Variants in LCLAT1 observed in about 807,000 individuals in gnomAD.
LCLAT1 encodes lysocardiolipin acyltransferase 1.
Under a neutral mutation model 30.7 loss-of-function variants are expected in LCLAT1, and 11 were observed. That is an observed-to-expected ratio of 0.36 (90% CI 0.23 to 0.59). LCLAT1 has a LOEUF of 0.59. Among genes scored for constraint, LCLAT1 ranks in the 20% least tolerant of loss-of-function variants. The pLI is 0.77. For missense variants in LCLAT1, 402 were observed against 458.6 expected (o/e 0.88, Z 1.13); for synonymous variants, 155 against 151.3 (o/e 1.02, Z -0.18).
intron 5 of LCLAT1, among the ~76,000 whole-genome samples, chr2:30,618,972 G>A (rs1264566359): frequency 2.9e-5 from 4 of 139,084 alleles, no homozygotes; most frequent in Non-Finnish European, 4.4e-5. Context: ...GTGCTATCAT[G>A]TAGATGGTAA....
intron 3 of LCLAT1, among the ~76,000 whole-genome samples, chr2:30,558,342 G>C (rs1424034746): frequency 6.6e-6 from 1 of 152,160 alleles, no homozygotes; most frequent in African/African-American, 2.4e-5. Context: ...GCTCATGCCT[G>C]TAATCCCAGC....
rs774364745 is a variant in LCLAT1 at position 30,640,168 on chromosome 2, T to C, written c.680T>C (p.Ile227Thr). The C allele has an allele frequency of 4.3e-6, 7 of 1,614,042 alleles. No homozygotes were observed. Among genetic ancestry groups the C allele is most frequent in the Non-Finnish European group, 5.9e-6 (7 of 1,179,956 alleles). ...ATCACTGTGGCGTATCCTCACAACA[T>C]TCCTCAATCAGAGAAGCACCTCCTC... ...HDITVAYPHN[I>T]PQSEKHLLQG... Residue 227 changes from isoleucine (I) to threonine (T), a missense_variant, in exon 6 of 6, where the codon ATT becomes ACT. Coordinates refer to ENST00000379509, the MANE Select transcript of LCLAT1 (RefSeq NM_001002257.3).
chr2:30,491,317 C>CA (rs1683823628), intron 1 of LCLAT1, among the ~76,000 whole-genome samples: 1 of 152,210 alleles, frequency 6.6e-6, no homozygotes, highest in African/African-American at 2.4e-5. Flanking sequence ...TGAGCACTTA[C>CA]ATATACCAGC....
At chr2:30,588,763 G>A (rs1054529488) in intron 5 of LCLAT1, among the ~76,000 whole-genome samples, 4 of 151,948 alleles carry the variant, frequency 2.6e-5, no homozygotes, top group African/African-American at 9.7e-5. Flanking sequence ...ACCACACCTG[G>A]CTAATTTTGT....
chr2:30,533,199 G>C lies in LCLAT1; in HGVS notation c.249G>C (p.Met83Ile). Residue 83 changes from methionine to isoleucine, a missense_variant, in exon 3 of 6, where the codon ATG becomes ATC. Met to Ile is a conservative substitution (Grantham distance 10). Coordinates refer to ENST00000379509, the MANE Select transcript of LCLAT1 (RefSeq NM_001002257.3). ...FVPGERSVII[M>I]NHRTRMDWMF... Reference sequence around the variant, plus strand: ...CTGGAGAAAGAAGTGTCATTATCATGAACCATCGGACAAGAATGGACTGGA... The same window carrying C: ...CTGGAGAAAGAAGTGTCATTATCATCAACCATCGGACAAGAATGGACTGGA... 6.2e-7 allele frequency: 1 copy of C among 1,613,928 alleles called. No individual in the cohort carries two copies. Among genetic ancestry groups the C allele is most frequent in the South Asian group, 1.1e-5 (1 of 91,078 alleles).
intron 5 of LCLAT1, among the ~76,000 whole-genome samples, chr2:30,599,422 G>A (rs1189887870): frequency 6.6e-6 from 1 of 152,224 alleles, no homozygotes; most frequent in Non-Finnish European, 1.5e-5. Flanking sequence ...GTGCCATGTG[G>A]CGCTGAGAAG....
At chr2:30,571,698 C>G (rs539828562) in intron 5 of LCLAT1, among the ~76,000 whole-genome samples, 1 of 152,182 alleles carries the variant, frequency 6.6e-6, no homozygotes, top group Admixed American at 6.5e-5. Context: ...TACTGAAATA[C>G]TGGGTGCATT....
intron 5 of LCLAT1, among the ~76,000 whole-genome samples, chr2:30,617,705 T>C (rs975275492): frequency 1.3e-5 from 2 of 152,178 alleles, no homozygotes; most frequent in African/African-American, 2.4e-5. Flanking sequence ...TAGAATCTTA[T>C]TGTGGTTTTG....
intron 1 of LCLAT1, among the ~76,000 whole-genome samples, chr2:30,447,903 A>G (rs1229093286): frequency 1.3e-5 from 2 of 152,238 alleles, no homozygotes; most frequent in Non-Finnish European, 2.9e-5. Context: ...TGCAGGCGCC[A>G]AAGGCCTGCC....
chr2:30,556,740 GTCTT>G (rs1484754012), intron 3 of LCLAT1, among the ~76,000 whole-genome samples: 2 of 118,848 alleles, frequency 1.7e-5, no homozygotes, highest in African/African-American at 6.8e-5. Flanking sequence ...TATTTAGAAA[GTCTT>G]TTTTTTTTTT....
chr2:30,455,225 A>G lies in LCLAT1; in HGVS notation c.-5+7842A>G, dbSNP rs200989557. Among the ~76,000 whole-genome samples, 8 of 152,320 alleles carry G rather than the reference A, an allele frequency of 5.3e-5. No individual in the cohort carries two copies. In the East Asian group the frequency reaches 1.5e-3, roughly 29 times the overall value. On this transcript the variant is annotated intron_variant, in intron 1 of 5. Transcript: ENST00000379509. ...TTTGAATGAGGAACTCTGAAATTGT[A>G]TCTGATTTTCTCTTTTGTATTTGTA... is the stretch of plus-strand genomic sequence containing the variant.
At chr2:30,635,328 T>C (rs1366831940) in intron 5 of LCLAT1, among the ~76,000 whole-genome samples, 6 of 151,842 alleles carry the variant, frequency 4.0e-5, no homozygotes, top group Non-Finnish European at 8.8e-5. Context: ...TCCTCCTCTC[T>C]TGCTTTTGGA....
At chr2:30,506,585 C>T (rs1462854422) in intron 1 of LCLAT1, among the ~76,000 whole-genome samples, 1 of 152,104 alleles carries the variant, frequency 6.6e-6, no homozygotes, top group Non-Finnish European at 1.5e-5. Flanking sequence ...TAGCTATAAT[C>T]TTTCTTCCTG....
intron 3 of LCLAT1, among the ~76,000 whole-genome samples, chr2:30,556,674 C>T (rs372580624): frequency 2.0e-5 from 3 of 150,670 alleles, no homozygotes; most frequent in Admixed American, 1.3e-4. Flanking sequence ...ATTTGTATAA[C>T]AATACCAGTC....
intron 1 of LCLAT1, among the ~76,000 whole-genome samples, chr2:30,503,921 A>C (rs1327981833): frequency 6.6e-6 from 1 of 152,124 alleles, no homozygotes; most frequent in Non-Finnish European, 1.5e-5. Context: ...TCTCTGTTTT[A>C]GTTGATTTTC....
In LCLAT1 at chr2:30,525,661, T is replaced by G. The variant is rs1685681045; in HGVS notation, c.71T>G (p.Met24Arg). 2 of 1,614,042 alleles carry G rather than the reference T, an allele frequency of 1.2e-6. No homozygotes were observed. The highest frequency in any genetic ancestry group is 1.7e-6 in the Non-Finnish European group (2 of 1,179,964). Residue 24 changes from methionine (M) to arginine (R), a missense_variant, in exon 2 of 6, where the codon ATG (methionine) becomes AGG (arginine). Coordinates refer to ENST00000379509, the MANE Select transcript of LCLAT1 (RefSeq NM_001002257.3). ...FWGSFFGSIF[M>R]LSPFLPLMFV... Reference sequence around the variant, plus strand: ...GGAAGCTTTTTTGGAAGCATTTTCATGCTGAGTCCCTTTTTACCTTTGATG... The same window carrying G: ...GGAAGCTTTTTTGGAAGCATTTTCAGGCTGAGTCCCTTTTTACCTTTGATG...
chr2:30,568,864 C>CAAA (rs61325694), intron 5 of LCLAT1, among the ~76,000 whole-genome samples: 6,854 of 88,944 alleles, frequency 0.077, 332 homozygotes, highest in East Asian at 0.11. Flanking sequence ...TCATGAATAG[C>CAAA]AAAAAAAAAA....
rs1442724605 is a variant in LCLAT1, at chr2:30,447,257, G to A, written c.-131G>A. On this transcript the variant is annotated 5_prime_UTR_variant, in exon 1 of 6. Transcript: ENST00000379509. ...TTCCGGGACGCATTACTAGGGCGACGGCCGGACGCCTCCGCGTTACGGGAT... is the reference window on the plus strand; with the variant it reads ...TTCCGGGACGCATTACTAGGGCGACAGCCGGACGCCTCCGCGTTACGGGAT... 6.6e-6 allele frequency: 1 copy of A among 152,016 alleles called. No homozygotes were observed. The highest frequency in any genetic ancestry group is 1.5e-5 in the Non-Finnish European group (1 of 68,024). 9.4% of individuals were successfully genotyped at this position (152,016 alleles called of 1,614,324 possible). A position where few individuals can be genotyped will look rare whatever the true frequency, so the allele number is the denominator to read the frequency against.
At chr2:30,493,067 C>G (rs1338843707) in intron 1 of LCLAT1, among the ~76,000 whole-genome samples, 2 of 152,114 alleles carry the variant, frequency 1.3e-5, no homozygotes, top group Non-Finnish European at 1.5e-5. Context: ...AAGACACCTC[C>G]CTCCCAGGGG....
Sources: gnomAD v4.1 joint callset for allele counts (sites outside exome capture counted in the v4.1 genomes callset) on GRCh38, gnomAD v4.1.1 for gene constraint, MANE v1.5 for transcripts, NCBI Gene and HGNC (gene_info 2026-07-23, HGNC 2026-07-21) for gene names.